SREK1: variants seen among roughly 807,000 people sequenced by gnomAD.
SREK1 encodes splicing regulatory glutamic acid and lysine rich protein 1.
A neutral mutation model predicts 66.5 loss-of-function variants in SREK1; 13 were observed. The observed-to-expected ratio is 0.20, with a 90% CI of 0.13 to 0.31. The LOEUF is 0.31. Ranked by LOEUF, SREK1 falls within the 10% of genes least tolerant of loss-of-function variation. The pLI is 1.00. For synonymous variants in SREK1, 265 were observed against 263.5 expected, an observed-to-expected ratio of 1.01 and a Z score of -0.05; for missense variants, 607 against 769.6, an observed-to-expected ratio of 0.79 and a Z score of 2.50.
At chr5:66,170,533 G>T in intron 8 of SREK1, 52 bp from the exon 9 acceptor site, 1 of 1,539,412 alleles carries the variant, frequency 6.5e-7, no homozygotes, top group Non-Finnish European at 8.7e-7. Flanking sequence ...AGGTCTTTTT[G>T]GAGGAGGTAG....
At chr5:66,163,586 C>A in intron 5 of SREK1, 1 of 394,036 alleles carries the variant, frequency 2.5e-6, no homozygotes, top group South Asian at 6.5e-5. Flanking sequence ...TTTCTCCCTG[C>A]TTTTGGTTGT....
At chr5:66,160,034 G>A (rs778422844) in intron 3 of SREK1, among the ~76,000 whole-genome samples, 8 of 152,148 alleles carry the variant, frequency 5.3e-5, no homozygotes, top group Non-Finnish European at 1.0e-4. Context: ...GGAGGCCGAG[G>A]CTGGAGAATG....
Position 66,170,685 on chromosome 5 carries a change from G to A in SREK1, c.1222G>A (p.Glu408Lys), listed in dbSNP as rs867054356. The change falls in exon 9 of 12, where the codon GAA becomes AAA. Residue 408 changes from glutamate (E) to lysine (K), a missense_variant. Glu to Lys is a moderately conservative substitution (Grantham distance 56). Coordinates refer to ENST00000334121, the MANE Select transcript of SREK1 (RefSeq NM_001077199.3). ...EREREKEREK[E>K]KERGKNKDRD... ...AGAGAGGGAAAAGGAACGTGAAAAAGAAAAGGAACGGGGTAAAAACAAAGA... is the reference window on the plus strand; with the variant it reads ...AGAGAGGGAAAAGGAACGTGAAAAAAAAAAGGAACGGGGTAAAAACAAAGA... 1 of 1,612,100 alleles carries A rather than the reference G, an allele frequency of 6.2e-7. No individual in the cohort carries two copies. The highest frequency in any genetic ancestry group is 8.5e-7 in the Non-Finnish European group (1 of 1,179,100).
At chr5:66,145,128 G>A (rs1442178412) in intron 1 of SREK1, 2 of 985,400 alleles carry the variant, frequency 2.0e-6, no homozygotes, top group Non-Finnish European at 2.4e-6. Context: ...CCTTTTGACA[G>A]CAGATTAAAT....
rs1281125002 is a variant in SREK1, at chr5:66,175,017, C to A, written c.1556C>A (p.Ser519Tyr). 3.1e-6 allele frequency: 5 copies of A among 1,612,382 alleles called. No homozygotes were observed. Among genetic ancestry groups the A allele is most frequent in the Admixed American group, 1.7e-5 (1 of 59,910 alleles). The stretch of plus-strand genomic sequence containing the variant: ...ACATCAAAAACCATAAAAAGGAAAT[C>A]TTCTAGATCTCCGTCCCCCAGGAGG... ...PRTSKTIKRK[S>Y]SRSPSPRSRN... The change falls in exon 10 of 12, where the codon TCT becomes TAT. Residue 519 changes from serine to tyrosine, a missense_variant. Transcript: ENST00000334121.
chr5:66,173,623 CCT>C (rs1561516037), intron 9 of SREK1, among the ~76,000 whole-genome samples: 2 of 152,164 alleles, frequency 1.3e-5, no homozygotes, highest in Non-Finnish European at 2.9e-5. Context: ...TGGAGACTTT[CCT>C]CTCATTATCG....
chr5:66,174,658 C>G, intron 9 of SREK1: 1 of 224,800 alleles, frequency 4.4e-6, no homozygotes, highest in East Asian at 9.5e-5. Flanking sequence ...AATATTTTTT[C>G]TACTGAAGAA....
intron 2 of SREK1, chr5:66,156,678 T>C: frequency 1.0e-6 from 1 of 985,272 alleles, no homozygotes; most frequent in Non-Finnish European, 1.2e-6. Flanking sequence ...TCAAGGAAAA[T>C]AAGTAAATAT....
In SREK1 at chr5:66,183,594, A is replaced by G. The variant is rs1000755222; in HGVS notation, c.*4726A>G. On this transcript the variant is annotated 3_prime_UTR_variant, in exon 12 of 12. Coordinates refer to ENST00000334121, the MANE Select transcript of SREK1 (RefSeq NM_001077199.3). ...GCTATTATGTTGCTATATTTTTAAT[A>G]AAATGAAAATCTTAAAATCTTGCCA... 4 of 152,222 alleles carry G rather than the reference A, an allele frequency of 2.6e-5. No individual in the cohort carries two copies. Among genetic ancestry groups the G allele is most frequent in the African/African-American group, 9.6e-5 (4 of 41,470 alleles). The allele number at this position is 152,222 out of a possible 1,614,324, so 9.4% of individuals were successfully genotyped here. A position where few individuals can be genotyped will look rare whatever the true frequency, so the allele number is the denominator to read the frequency against.
At chr5:66,175,818 C>T (rs1746011749) in intron 10 of SREK1, among the ~76,000 whole-genome samples, 1 of 152,026 alleles carries the variant, frequency 6.6e-6, no homozygotes. Context: ...TTTCTATTTC[C>T]AAGAACTCTT....
Position 66,170,864 on chromosome 5 carries a change from A to G in SREK1, c.1401A>G (p.Ile467Met). The change falls in exon 9 of 12, where the codon ATA becomes ATG. Residue 467 changes from isoleucine to methionine, a missense_variant. Physicochemically the swap from Ile to Met is conservative, Grantham distance 10. Around this residue, in one of 5 missense-constraint regions of SREK1, gnomAD observed 318 missense variants for 310.3 expected, o/e 1.02. Transcript: ENST00000334121. ...KEREKDRSKE[I>M]DEKRKKDKKS... ...GAGAAAAAGACAGATCCAAAGAGAT[A>G]GATGAAAAAAGAAAGAAGGATAAAA... is the stretch of plus-strand genomic sequence containing the variant. 1.2e-6 allele frequency: 2 copies of G among 1,613,824 alleles called. No homozygotes were observed. The highest frequency in any genetic ancestry group is 1.7e-6 in the Non-Finnish European group (2 of 1,179,948).
chr5:66,144,666 C>T (rs1445437044), intron 1 of SREK1, 129 bp downstream of exon 1: 1 of 1,404,930 alleles, frequency 7.1e-7, no homozygotes, highest in Non-Finnish European at 9.3e-7. Flanking sequence ...TACCTTGGTG[C>T]CCATATTTGA....
chr5:66,163,571 T>C, intron 5 of SREK1: 1 of 362,936 alleles, frequency 2.8e-6, no homozygotes, highest in Non-Finnish European at 4.9e-6. Flanking sequence ...GGGTTCAATT[T>C]TTCTTTTCTC....
chr5:66,162,354 A>G (rs886437688), intron 4 of SREK1, 60 bp from the exon 5 acceptor site: 1 of 1,604,204 alleles, frequency 6.2e-7, no homozygotes, highest in African/African-American at 1.3e-5. Context: ...TGGATACAGT[A>G]ATATTTATCT....
chr5:66,157,309 C>A (rs1744368317), intron 2 of SREK1: 2 of 983,752 alleles, frequency 2.0e-6, no homozygotes, highest in African/African-American at 3.5e-5. Context: ...TGTTGAATAC[C>A]CTTTTTGTTT....
chr5:66,156,220 T>G lies in SREK1; in HGVS notation c.295+2624T>G, dbSNP rs1178207355. 3.1e-6 allele frequency: 4 copies of G among 1,301,732 alleles called. No individual in the cohort carries two copies. In the African/African-American group the frequency reaches 6.2e-5, roughly 20 times the overall value. The allele number at this position is 1,301,732 out of a possible 1,614,324, so 80.6% of individuals were successfully genotyped here. Reference sequence around the variant, plus strand: ...GACGCCCTGTCTCTGTTTTTTATTGTTTTACTTTAATTTCATTTCTTTTTC... The same window carrying G: ...GACGCCCTGTCTCTGTTTTTTATTGGTTTACTTTAATTTCATTTCTTTTTC... On this transcript the variant is annotated intron_variant, in intron 2 of 11. Coordinates refer to ENST00000334121, the MANE Select transcript of SREK1 (RefSeq NM_001077199.3).
chr5:66,155,675 GA>G (rs771224205), intron 2 of SREK1, among the ~76,000 whole-genome samples: 1 of 152,154 alleles, frequency 6.6e-6, no homozygotes, highest in Admixed American at 6.5e-5. Context: ...AAAAACCATA[GA>G]AAAAAATTTA....
At chr5:66,144,690 G>T (rs1356465130) in intron 1 of SREK1, 153 bp downstream of exon 1, 2 of 1,352,320 alleles carry the variant, frequency 1.5e-6, no homozygotes, top group Admixed American at 2.9e-5. Context: ...GGGCACCCGG[G>T]TTCCGCCGTC....
rs536696826 is a variant in SREK1 at position 66,182,644 on chromosome 5, A to C, written c.*3776A>C. The stretch of plus-strand genomic sequence containing the variant: ...CAGTGACACGATCATGGCTCACTGC[A>C]ATCTTGACCTTTCTCGGCATGGATG... On this transcript the variant is annotated 3_prime_UTR_variant, in exon 12 of 12. Transcript: ENST00000334121. 8.5e-5 allele frequency: 13 copies of C among 152,192 alleles called. 1 individual carries two copies. The highest frequency in any genetic ancestry group is 2.9e-4 in the African/African-American group (12 of 41,510). The allele number at this position is 152,192 out of a possible 1,614,324, so 9.4% of individuals were successfully genotyped here. A position where few individuals can be genotyped will look rare whatever the true frequency, so the allele number is the denominator to read the frequency against.
Sources: gnomAD v4.1 joint callset for allele counts (sites outside exome capture counted in the v4.1 genomes callset) on GRCh38, gnomAD v4.1.1 for gene constraint, gnomAD v4.1.1 regional missense constraint, MANE v1.5 for transcripts, NCBI Gene and HGNC (gene_info 2026-07-23, HGNC 2026-07-21) for gene names.